SPATA9: variants seen among roughly 807,000 people sequenced by gnomAD.
SPATA9 encodes spermatogenesis-associated protein 9.
SPATA9 carries 27 observed loss-of-function variants against 25.5 expected under a neutral mutation model. That is an observed-to-expected ratio of 1.06 (90% CI 0.78 to 1.46). The LOEUF (loss-of-function observed/expected upper bound fraction) is 1.46, where lower values mean the gene tolerates loss of function less well. SPATA9 is among the 40% of genes most tolerant of loss of function. SPATA9 has a pLI of 0.00. For missense variants in SPATA9, 282 were observed against 297.5 expected (o/e 0.95, Z 0.38); for synonymous variants, 102 against 105.7 (o/e 0.97, Z 0.21).
At chr5:95,680,027 A>T (rs973477382) in intron 2 of SPATA9, among the ~76,000 whole-genome samples, 1 of 152,114 alleles carries the variant, frequency 6.6e-6, no homozygotes, top group Non-Finnish European at 1.5e-5. Flanking sequence ...CCTCCCGAGG[A>T]GCTGGGACTA....
upstream of SPATA9, among the ~76,000 whole-genome samples, chr5:95,687,779 A>G (rs1753784503): frequency 6.6e-6 from 1 of 152,200 alleles, no homozygotes; most frequent in Admixed American, 6.5e-5. Flanking sequence ...TAGGAAGCAA[A>G]AATGGCCAGA....
At chr5:95,709,230 A>G in the SPATA9 span, among the ~76,000 whole-genome samples, 34,646 of 152,140 alleles carry the variant, frequency 0.23, 4,204 homozygotes, top group East Asian at 0.5. Flanking sequence ...AAGTGGCAGA[A>G]TAATATCTTG....
At chr5:95,661,942 T>G (rs1049785320) in intron 4 of SPATA9, among the ~76,000 whole-genome samples, 19 of 152,022 alleles carry the variant, frequency 1.2e-4, no homozygotes, top group Non-Finnish European at 2.6e-4. Flanking sequence ...TAAAAATGAT[T>G]AAAAGAAATT....
At chr5:95,654,676 T>C (rs988666297), downstream of SPATA9, among the ~76,000 whole-genome samples, 2 of 152,192 alleles carry the variant, frequency 1.3e-5, no homozygotes, top group Admixed American at 1.3e-4. Flanking sequence ...AAATAAATTA[T>C]GATACAGCCA....
chr5:95,722,771 C>T, the SPATA9 span, among the ~76,000 whole-genome samples: 1 of 152,222 alleles, frequency 6.6e-6, no homozygotes, highest in Non-Finnish European at 1.5e-5. Context: ...GCGTGAGCCA[C>T]TGCGCCCAGC....
chr5:95,691,546 T>C (rs1317647535), intron 1 of SPATA9, among the ~76,000 whole-genome samples: 1 of 152,144 alleles, frequency 6.6e-6, no homozygotes, highest in Admixed American at 6.5e-5. Context: ...TTCTCACTCT[T>C]TCATTCTTTG....
At chr5:95,667,946 C>T (rs1434864891) in intron 3 of SPATA9, among the ~76,000 whole-genome samples, 3 of 152,166 alleles carry the variant, frequency 2.0e-5, no homozygotes, top group Non-Finnish European at 4.4e-5. Flanking sequence ...CTCTCTTCCT[C>T]CTGTTCCAGC....
chr5:95,729,147 A>G, the SPATA9 span, among the ~76,000 whole-genome samples: 4 of 152,370 alleles, frequency 2.6e-5, no homozygotes, highest in African/African-American at 9.6e-5. Flanking sequence ...TGCTCTGCCT[A>G]TGGAGTAGCC....
chr5:95,684,376 C>T (rs750417882), upstream of SPATA9, among the ~76,000 whole-genome samples: 1 of 152,324 alleles, frequency 6.6e-6, no homozygotes, highest in Non-Finnish European at 1.5e-5. Flanking sequence ...CTCCCTTCCA[C>T]CATCCCCTAG....
chr5:95,653,076 CT>C (rs1428988632), exon 9 of SPATA9: 1 of 1,549,346 alleles, frequency 6.5e-7, no homozygotes, highest in Admixed American at 2.0e-5. Context: ...TTCACCAAGA[CT>C]TTTCTTTCCT....
downstream of SPATA9, chr5:95,655,968 C>A (rs1279846697): frequency 7.3e-7 from 1 of 1,361,504 alleles, no homozygotes; most frequent in South Asian, 1.4e-5. Context: ...TAACCTGGTT[C>A]TTCTGCAGCA....
At chr5:95,671,437 T>A (rs1413748505) in intron 3 of SPATA9, among the ~76,000 whole-genome samples, 4 of 152,086 alleles carry the variant, frequency 2.6e-5, no homozygotes, top group Admixed American at 2.0e-4. Flanking sequence ...TGAGATGGAG[T>A]TTCGCTCTTG....
downstream of SPATA9, chr5:95,655,863 G>A (rs923371332): frequency 9.3e-5 from 53 of 572,660 alleles, 1 homozygote; most frequent in Admixed American, 1.7e-3. Flanking sequence ...CTAATCAACT[G>A]TAAAAGAGCT....
chr5:95,656,017 A>C (rs761197581), downstream of SPATA9: 1 of 1,600,668 alleles, frequency 6.2e-7, no homozygotes, highest in Non-Finnish European at 8.5e-7. Flanking sequence ...GACATGTCAG[A>C]ATATTAAATG....
At chr5:95,694,247 A>G (rs1301843419) in intron 1 of SPATA9, among the ~76,000 whole-genome samples, 1 of 152,206 alleles carries the variant, frequency 6.6e-6, no homozygotes, top group Non-Finnish European at 1.5e-5. Flanking sequence ...TATGATCTTT[A>G]GTTAGAAGTC....
chr5:95,715,285 C>T, the SPATA9 span, among the ~76,000 whole-genome samples: 1 of 149,962 alleles, frequency 6.7e-6, no homozygotes, highest in African/African-American at 2.5e-5. Flanking sequence ...GATCATGCCA[C>T]TGCACTCCAG....
At chr5:95,706,308 T>C in the SPATA9 span, among the ~76,000 whole-genome samples, 65,510 of 148,132 alleles carry the variant, frequency 0.44, 14,717 homozygotes, top group East Asian at 0.65. Context: ...ATCATGGCGG[T>C]GGATTTCCCC....
At chr5:95,652,969 C>G, downstream of SPATA9, 1 of 1,110,392 alleles carries the variant, frequency 9.0e-7, no homozygotes, top group East Asian at 2.6e-5. Flanking sequence ...AGTGGCTTTC[C>G]TTTGCTCTTA....
At chr5:95,731,965 G>A in the SPATA9 span, 14 of 1,614,022 alleles carry the variant, frequency 8.7e-6, no homozygotes, top group African/African-American at 1.7e-4. Flanking sequence ...TCTGGTCTCC[G>A]GGGACGAGAG....
Sources: allele counts gnomAD v4.1 joint callset (sites outside exome capture counted in the v4.1 genomes callset), GRCh38; gene constraint gnomAD v4.1.1; transcripts MANE v1.5; gene names NCBI Gene and HGNC (gene_info 2026-07-23, HGNC 2026-07-21).